C6: variants seen among roughly 807,000 people sequenced by gnomAD.
The protein encoded by C6 is complement component C6.
C6 carries 101 observed loss-of-function variants against 112.9 expected under a neutral mutation model. That is an observed-to-expected ratio of 0.89 (90% CI 0.76 to 1.06). The LOEUF is 1.06. C6 is among the 50% of genes least tolerant of loss of function. C6 has a pLI of 0.00. For missense variants in C6, 1,202 were observed against 1,104.6 expected, an observed-to-expected ratio of 1.09 and a Z score of -1.25; for synonymous variants, 431 against 384.1, an observed-to-expected ratio of 1.12 and a Z score of -1.43.
At chr5:41,238,922 A>T (rs949435641) in intron 1 of C6, among the ~76,000 whole-genome samples, 1 of 152,108 alleles carries the variant, frequency 6.6e-6, no homozygotes, top group African/African-American at 2.4e-5. Context: ...TACGTGTTTA[A>T]CAGCAGGCTA....
chr5:41,231,181 G>T (rs1293660371), intron 1 of C6, among the ~76,000 whole-genome samples: 1 of 151,988 alleles, frequency 6.6e-6, no homozygotes, highest in Non-Finnish European at 1.5e-5. Context: ...TTTAATTGGA[G>T]AATTTAATCC....
intron 9 of C6, 129 bp from the exon 10 acceptor site, chr5:41,161,988 G>A: frequency 1.2e-6 from 1 of 858,574 alleles, no homozygotes; most frequent in Non-Finnish European, 1.9e-6. Flanking sequence ...CATTAAGAAA[G>A]CTAAGTGAAA....
intron 13 of C6, among the ~76,000 whole-genome samples, chr5:41,157,566 AT>A (rs1019083201): frequency 5.3e-5 from 8 of 151,542 alleles, no homozygotes; most frequent in African/African-American, 1.9e-4. Flanking sequence ...ATAAGACTTT[AT>A]TTTTTTTTAA....
At chr5:41,220,968 C>T (rs1307853823) in intron 1 of C6, among the ~76,000 whole-genome samples, 1 of 151,642 alleles carries the variant, frequency 6.6e-6, no homozygotes, top group Non-Finnish European at 1.5e-5. Flanking sequence ...AACATACATT[C>T]TTGGCAGTTT....
chr5:41,175,241 T>G (rs1203299326), intron 8 of C6, among the ~76,000 whole-genome samples: 2 of 152,162 alleles, frequency 1.3e-5, no homozygotes, highest in African/African-American at 2.4e-5. Context: ...ATCAAAGAAG[T>G]GACAGATGTC....
intron 5 of C6, among the ~76,000 whole-genome samples, chr5:41,195,177 G>C (rs755210520): frequency 6.6e-6 from 1 of 152,120 alleles, no homozygotes; most frequent in Middle Eastern, 3.2e-3. Context: ...AGAATACCTA[G>C]CTATATTCAC....
chr5:41,243,460 T>A (rs1740849682), intron 1 of C6, among the ~76,000 whole-genome samples: 1 of 152,244 alleles, frequency 6.6e-6, no homozygotes, highest in Admixed American at 6.5e-5. Context: ...ACTTGTGTAG[T>A]GCTTCATAAT....
chr5:41,236,489 C>A (rs563909673), intron 1 of C6, among the ~76,000 whole-genome samples: 1 of 145,758 alleles, frequency 6.9e-6, no homozygotes, highest in Non-Finnish European at 1.5e-5. Flanking sequence ...GGGTACATAA[C>A]GAAATGAAGG....
chr5:41,261,168 A>G (rs939763375), intron 1 of C6: 2 of 984,830 alleles, frequency 2.0e-6, no homozygotes, highest in Non-Finnish European at 2.4e-6. Context: ...AATTAAAAAA[A>G]AAGAAGAAAA....
intron 1 of C6, among the ~76,000 whole-genome samples, chr5:41,237,206 A>C (rs1458939637): frequency 7.4e-6 from 1 of 135,510 alleles, no homozygotes; most frequent in Non-Finnish European, 1.5e-5. Context: ...AAAAAGAGGG[A>C]ATCCTCCCTA....
At position 41,175,086 on chromosome 5, in the gene C6, C is replaced by A. The variant is rs757776606; in HGVS notation, c.1168+1389G>T. 2.0e-5 allele frequency among the ~76,000 whole-genome samples: 3 copies of A among 152,156 alleles called. No homozygotes were observed. The East Asian group carries it at 5.8e-4, about 29-fold the overall frequency. ...GCAGGGGAGTGCAGCTACTCATATA[C>A]CCTTGACCTAAGACCAGTCCTCCTC... On this transcript the variant is annotated intron_variant, in intron 8 of 17. Coordinates refer to ENST00000337836, the MANE Select transcript of C6 (RefSeq NM_000065.5).
chr5:41,235,635 C>A (rs1399972166), intron 1 of C6, among the ~76,000 whole-genome samples: 1 of 126,990 alleles, frequency 7.9e-6, no homozygotes, highest in Non-Finnish European at 1.6e-5. Context: ...AGTTCTAGAT[C>A]CCTGAGGAAT....
chr5:41,160,913 T>A (rs1193518585), intron 10 of C6, among the ~76,000 whole-genome samples: 6 of 152,138 alleles, frequency 3.9e-5, no homozygotes, highest in Non-Finnish European at 7.4e-5. Flanking sequence ...TAATGATAAA[T>A]CAGTGCTCAT....
chr5:41,256,907 A>T (rs887721173), intron 1 of C6, among the ~76,000 whole-genome samples: 6 of 152,120 alleles, frequency 3.9e-5, no homozygotes, highest in Non-Finnish European at 7.4e-5. Context: ...CCCCAAGTCC[A>T]ATGAGGTGTG....
chr5:41,174,749 G>C (rs921031912), intron 8 of C6, among the ~76,000 whole-genome samples: 1 of 151,968 alleles, frequency 6.6e-6, no homozygotes, highest in Non-Finnish European at 1.5e-5. Flanking sequence ...TAACAACAGG[G>C]GATATAATTC....
intron 1 of C6, among the ~76,000 whole-genome samples, chr5:41,205,331 T>C (rs745499290): frequency 2.6e-5 from 4 of 152,230 alleles, no homozygotes; most frequent in African/African-American, 9.6e-5. Context: ...GGGTGATTTC[T>C]GCATTTCCAA....
At chr5:41,200,384 G>T (rs1048812881) in intron 3 of C6, among the ~76,000 whole-genome samples, 2 of 152,152 alleles carry the variant, frequency 1.3e-5, no homozygotes, top group African/African-American at 2.4e-5. Context: ...TTTAAATGGC[G>T]AGTAGTAAAA....
At chr5:41,215,536 G>T (rs1752169588), upstream of C6, among the ~76,000 whole-genome samples, 2 of 152,256 alleles carry the variant, frequency 1.3e-5, no homozygotes, top group Admixed American at 1.3e-4. Flanking sequence ...ACTGGCACTG[G>T]CTGAGTTGCT....
chr5:41,184,910 T>C (rs564632162), intron 6 of C6, among the ~76,000 whole-genome samples: 11 of 152,336 alleles, frequency 7.2e-5, no homozygotes, highest in African/African-American at 2.6e-4. Context: ...TGAAGTGTTA[T>C]CTAAGCCTCA....
Sources: allele counts gnomAD v4.1 joint callset (sites outside exome capture counted in the v4.1 genomes callset), GRCh38; gene constraint gnomAD v4.1.1; transcripts MANE v1.5; gene names NCBI Gene and HGNC (gene_info 2026-07-23, HGNC 2026-07-21).